GALNT17: variants seen among roughly 807,000 people sequenced by gnomAD.
The protein encoded by GALNT17 is polypeptide N-acetylgalactosaminyltransferase 17.
Under a neutral mutation model 63.7 loss-of-function variants are expected in GALNT17, and 29 were observed. The observed-to-expected ratio is 0.46, with a 90% confidence interval of 0.34 to 0.62. The LOEUF (loss-of-function observed/expected upper bound fraction) is 0.62. Ranked by LOEUF, GALNT17 falls within the 20% of genes least tolerant of loss-of-function variation. The probability of loss-of-function intolerance (pLI) is 0.01; values close to 1 mark genes in which losing one functional copy is unlikely to be tolerated. For missense variants in GALNT17, 603 were observed against 799.6 expected, an observed-to-expected ratio of 0.75 and a Z score of 2.97; for synonymous variants, 305 against 318.3, an observed-to-expected ratio of 0.96 and a Z score of 0.45.
chr7:71,164,203 C>T (rs949937759), intron 1 of GALNT17, among the ~76,000 whole-genome samples: 7 of 151,990 alleles, frequency 4.6e-5, no homozygotes, highest in African/African-American at 1.2e-4. Context: ...AGATACTACC[C>T]GAGACTGCAT....
intron 2 of GALNT17, among the ~76,000 whole-genome samples, chr7:71,349,699 A>C (rs1336073361): frequency 6.6e-6 from 1 of 152,194 alleles, no homozygotes; most frequent in Non-Finnish European, 1.5e-5. Context: ...TTCCTTGAAA[A>C]TTCCTTAATG....
At chr7:71,245,281 G>A (rs545585333) in intron 1 of GALNT17, among the ~76,000 whole-genome samples, 1 of 152,228 alleles carries the variant, frequency 6.6e-6, no homozygotes, top group South Asian at 2.1e-4. Context: ...GATTCTGTGG[G>A]GGCCGTGCTA....
rs181003796 is a variant in GALNT17 at position 71,703,826 on chromosome 7, C to T, written c.1501-6935C>T. On this transcript the variant is annotated intron_variant, in intron 9 of 10. Transcript: ENST00000333538. ...ACAGTGTGGGAAGAGGGTCAGAGAC[C>T]GAAGGAAATGAGAGTGAAGGAAGAC... Among the ~76,000 whole-genome samples the T allele has an allele frequency of 7.1e-4, 108 of 151,828 alleles. 2 individuals are homozygous for T. Among genetic ancestry groups the T allele is most frequent in the African/African-American group, 2.4e-3 (100 of 41,370 alleles).
intron 1 of GALNT17, among the ~76,000 whole-genome samples, chr7:71,203,394 G>A (rs1789212094): frequency 6.6e-6 from 1 of 152,124 alleles, no homozygotes; most frequent in African/African-American, 2.4e-5. Flanking sequence ...GATGATTAAT[G>A]TTATTGGACA....
chr7:71,444,411 A>G (rs1787122337), intron 5 of GALNT17, among the ~76,000 whole-genome samples: 1 of 152,164 alleles, frequency 6.6e-6, no homozygotes, highest in African/African-American at 2.4e-5. Flanking sequence ...CTAAACCATC[A>G]GGTTCATGAG....
chr7:71,636,447 AG>A (rs1230483473), intron 6 of GALNT17, among the ~76,000 whole-genome samples: 1 of 152,076 alleles, frequency 6.6e-6, no homozygotes, highest in Non-Finnish European at 1.5e-5. Flanking sequence ...CTGTAACAGG[AG>A]GGTAGGTGGG....
At chr7:71,542,620 G>A (rs375368565) in intron 5 of GALNT17, among the ~76,000 whole-genome samples, 2 of 151,230 alleles carry the variant, frequency 1.3e-5, no homozygotes, top group South Asian at 2.1e-4. Flanking sequence ...CGCTTGAACC[G>A]GGGAGGTGGG....
rs1403722908 is a variant in GALNT17, at chr7:71,239,628, T to C, written c.239-95922T>C. 2.0e-5 allele frequency among the ~76,000 whole-genome samples: 3 copies of C among 152,214 alleles called. No homozygotes were observed. The East Asian group carries it at 5.8e-4, about 29-fold the overall frequency. ...CAGTATCTAGAAGGGCCAGTGATGC[T>C]TTAACCCCAAGGCTTCTGATTTCAC... On this transcript the variant is annotated intron_variant, in intron 1 of 10. Transcript: ENST00000333538.
chr7:71,435,832 A>C (rs2116501701), intron 5 of GALNT17, among the ~76,000 whole-genome samples: 1 of 152,092 alleles, frequency 6.6e-6, no homozygotes, highest in Non-Finnish European at 1.5e-5. Context: ...ATCCTGGCTA[A>C]CACAGTGAAA....
At chr7:71,315,596 C>T (rs970489661) in intron 1 of GALNT17, among the ~76,000 whole-genome samples, 2 of 152,060 alleles carry the variant, frequency 1.3e-5, no homozygotes, top group African/African-American at 4.8e-5. Flanking sequence ...CATTATTCCT[C>T]CTTTATAGGA....
At chr7:71,142,209 C>T (rs930229721) in intron 1 of GALNT17, among the ~76,000 whole-genome samples, 1 of 152,092 alleles carries the variant, frequency 6.6e-6, no homozygotes, top group East Asian at 1.9e-4. Flanking sequence ...GGACAGCTAG[C>T]AATGCTTCAT....
intron 5 of GALNT17, among the ~76,000 whole-genome samples, chr7:71,562,331 G>A (rs921313263): frequency 2.6e-5 from 4 of 152,028 alleles, no homozygotes; most frequent in Non-Finnish European, 4.4e-5. Flanking sequence ...CATACCTACA[G>A]CCTCACTCAT....
rs570607327 is a variant in GALNT17 at position 71,445,985 on chromosome 7, A to G, written c.962+24880A>G. On this transcript the variant is annotated intron_variant, in intron 5 of 10. Coordinates refer to ENST00000333538, the MANE Select transcript of GALNT17 (RefSeq NM_022479.3). Reference sequence around the variant, plus strand: ...GGGAAAAAAATCCCCTAAATCTTGTAGTCGTTTCTGAGAAACGGGAATATT... The same window carrying G: ...GGGAAAAAAATCCCCTAAATCTTGTGGTCGTTTCTGAGAAACGGGAATATT... 1.2e-3 allele frequency among the ~76,000 whole-genome samples: 188 copies of G among 152,386 alleles called. 2 individuals carry two copies. The highest frequency in any genetic ancestry group is 0.012 in the Admixed American group (188 of 15,308).
At chr7:71,263,306 C>G (rs1790420338) in intron 1 of GALNT17, among the ~76,000 whole-genome samples, 1 of 152,014 alleles carries the variant, frequency 6.6e-6, no homozygotes, top group South Asian at 2.1e-4. Flanking sequence ...TTGCAGTGAG[C>G]TGAGATTGCG....
chr7:71,292,449 T>A (rs1327575834), intron 1 of GALNT17, among the ~76,000 whole-genome samples: 1 of 152,236 alleles, frequency 6.6e-6, no homozygotes, highest in Non-Finnish European at 1.5e-5. Flanking sequence ...TCTTATTATA[T>A]TCTTATTTTA....
chr7:71,644,546 A>AAC (rs1554318997), intron 6 of GALNT17, among the ~76,000 whole-genome samples: 1,708 of 100,232 alleles, frequency 0.017, 128 homozygotes, highest in African/African-American at 0.055. Context: ...AAAAAAAAAA[A>AAC]AAACAAAAGA....
chr7:71,356,399 G>T (rs986965866), intron 2 of GALNT17, among the ~76,000 whole-genome samples: 1 of 151,616 alleles, frequency 6.6e-6, no homozygotes, highest in South Asian at 2.1e-4. Flanking sequence ...ATAAAGAAAA[G>T]AGGTTTAACT....
intron 1 of GALNT17, among the ~76,000 whole-genome samples, chr7:71,310,590 T>C (rs561019891): frequency 6.6e-6 from 1 of 152,318 alleles, no homozygotes; most frequent in African/African-American, 2.4e-5. Context: ...CTTCAAGCAG[T>C]TCAGCAGTGC....
intron 1 of GALNT17, among the ~76,000 whole-genome samples, chr7:71,198,678 C>T (rs1037250659): frequency 6.6e-6 from 1 of 152,218 alleles, no homozygotes; most frequent in African/African-American, 2.4e-5. Flanking sequence ...TTAAGATTGA[C>T]AAGCCATTTT....
Sources: allele counts gnomAD v4.1 joint callset (sites outside exome capture counted in the v4.1 genomes callset), GRCh38; gene constraint gnomAD v4.1.1; transcripts MANE v1.5; gene names NCBI Gene and HGNC (gene_info 2026-07-23, HGNC 2026-07-21).